Variants in CTNNA3 observed in about 807,000 individuals in gnomAD.
CTNNA3 encodes the protein catenin alpha 3.
A neutral mutation model predicts 95.7 loss-of-function variants in CTNNA3; 76 were observed. That is an observed-to-expected ratio of 0.79 (90% CI 0.66 to 0.96). CTNNA3 has a LOEUF of 0.96. Ranked by LOEUF, CTNNA3 falls within the 40% of genes least tolerant of loss-of-function variation. The pLI is 0.00. For missense variants in CTNNA3, 1,191 were observed against 1,089.8 expected (o/e 1.09, Z -1.31); for synonymous variants, 431 against 374.4 (o/e 1.15, Z -1.74).
chr10:66,774,284 C>T (rs991197356), intron 8 of CTNNA3, among the ~76,000 whole-genome samples: 14 of 152,016 alleles, frequency 9.2e-5, no homozygotes, highest in Admixed American at 3.9e-4. Context: ...GATCATTCCA[C>T]GAAAGGGGAG....
At chr10:67,495,522 C>T (rs564707802) in intron 5 of CTNNA3, among the ~76,000 whole-genome samples, 256 of 152,188 alleles carry the variant, frequency 1.7e-3, no homozygotes, top group African/African-American at 5.7e-3. Flanking sequence ...GAGGAATGGG[C>T]GGGTAGTGGC....
intron 12 of CTNNA3, among the ~76,000 whole-genome samples, chr10:66,331,382 T>C (rs2092328901): frequency 7.3e-6 from 1 of 136,290 alleles, no homozygotes; most frequent in Non-Finnish European, 1.6e-5. Flanking sequence ...GAGACGGAGT[T>C]TTGCTCTGTC....
chr10:66,426,770 C>G (rs952312749), intron 11 of CTNNA3, among the ~76,000 whole-genome samples: 1 of 151,518 alleles, frequency 6.6e-6, no homozygotes, highest in African/African-American at 2.4e-5. Context: ...AAGATCATCC[C>G]ACTCTTCAAT....
chr10:67,006,275 A>G (rs1010332862), intron 7 of CTNNA3, among the ~76,000 whole-genome samples: 3 of 151,978 alleles, frequency 2.0e-5, no homozygotes, highest in Admixed American at 1.3e-4. Flanking sequence ...ACATCACACC[A>G]CTTAACTATT....
At chr10:67,751,638 T>C (rs12257004) in intron 1 of CTNNA3, among the ~76,000 whole-genome samples, 45,356 of 151,806 alleles carry the variant, frequency 0.3, 7,351 homozygotes, top group East Asian at 0.52. Context: ...GGAGATATCA[T>C]CAATGACCCC....
rs1354622317 is a variant in CTNNA3, at chr10:67,360,486, TA to T, written c.580-140617del. Among the ~76,000 whole-genome samples the T allele has an allele frequency of 1.0e-4, 15 of 147,458 alleles. 1 individual carries two copies. The highest frequency in any genetic ancestry group is 8.7e-4 in the Admixed American group (13 of 14,922). Reference sequence around the variant, plus strand: ...AGAGACCAATCACACATAACAGCCATAGGGGCAAAGTAAAGGGATGGAGAAG... The same window carrying T: ...AGAGACCAATCACACATAACAGCCATGGGGCAAAGTAAAGGGATGGAGAAG... On this transcript the variant is annotated intron_variant, in intron 5 of 17. Transcript: ENST00000433211.
At chr10:66,844,440 T>C (rs1843178854) in intron 7 of CTNNA3, among the ~76,000 whole-genome samples, 1 of 152,206 alleles carries the variant, frequency 6.6e-6, no homozygotes, top group African/African-American at 2.4e-5. Context: ...CTTAACCTCA[T>C]GGCATTCTAT....
chr10:66,681,343 C>T (rs1847061438), intron 9 of CTNNA3, among the ~76,000 whole-genome samples: 1 of 152,102 alleles, frequency 6.6e-6, no homozygotes, highest in South Asian at 2.1e-4. Flanking sequence ...TTTGGCAGCT[C>T]AAAATTCCAA....
At chr10:67,711,559 G>A (rs1268973749) in intron 1 of CTNNA3, among the ~76,000 whole-genome samples, 5 of 143,294 alleles carry the variant, frequency 3.5e-5, no homozygotes, top group African/African-American at 1.3e-4. Flanking sequence ...TAGGGTATCT[G>A]GCAGAAGAAA....
In CTNNA3 at chr10:66,246,565, T is replaced by C. The variant is rs575049534; in HGVS notation, c.1884+33905A>G. Among the ~76,000 whole-genome samples, 425 of 151,824 alleles carry C rather than the reference T, an allele frequency of 2.8e-3. 1 individual carries two copies. The highest frequency in any genetic ancestry group is 0.017 in the Middle Eastern group (5 of 292). ...AGCCACTGCCATTACTTTCAGAAAA[T>C]TAAAAATAGCTATTTTGAGAAAGTT... On this transcript the variant is annotated intron_variant, in intron 13 of 17. Transcript: ENST00000433211.
At chr10:66,438,741 T>A (rs1001488146) in intron 11 of CTNNA3, among the ~76,000 whole-genome samples, 2 of 152,102 alleles carry the variant, frequency 1.3e-5, no homozygotes, top group Middle Eastern at 3.2e-3. Flanking sequence ...CACTGAGGTA[T>A]GAAAAAAACT....
At chr10:66,974,772 T>C (rs190778414) in intron 7 of CTNNA3, among the ~76,000 whole-genome samples, 131 of 152,288 alleles carry the variant, frequency 8.6e-4, no homozygotes, top group African/African-American at 3.0e-3. Flanking sequence ...CTAATGACAT[T>C]GCACATCTTT....
chr10:67,033,261 G>A (rs993694338), intron 7 of CTNNA3, among the ~76,000 whole-genome samples: 2 of 152,154 alleles, frequency 1.3e-5, no homozygotes, highest in African/African-American at 4.8e-5. Flanking sequence ...AGTGTTATGT[G>A]AGGGTGCTTT....
intron 9 of CTNNA3, among the ~76,000 whole-genome samples, chr10:66,678,886 G>A (rs1846964816): frequency 6.6e-6 from 1 of 152,038 alleles, no homozygotes; most frequent in Non-Finnish European, 1.5e-5. Context: ...TGGGAGAAAG[G>A]CAAAGAATCT....
intron 2 of CTNNA3, among the ~76,000 whole-genome samples, chr10:67,626,476 A>C (rs1270767695): frequency 6.6e-6 from 1 of 152,212 alleles, no homozygotes; most frequent in Non-Finnish European, 1.5e-5. Flanking sequence ...AAAGAAAAAA[A>C]ACTGAAGTTC....
chr10:66,159,072 G>A (rs113186417), intron 13 of CTNNA3, among the ~76,000 whole-genome samples: 21,120 of 151,368 alleles, frequency 0.14, 2,365 homozygotes, highest in African/African-American at 0.31. Flanking sequence ...AGTCTTTAGG[G>A]TTTTCAAGGT....
intron 9 of CTNNA3, among the ~76,000 whole-genome samples, chr10:66,680,767 A>G (rs1345716373): frequency 1.3e-5 from 2 of 152,200 alleles, no homozygotes; most frequent in Non-Finnish European, 2.9e-5. Flanking sequence ...GAATAGAAAC[A>G]CTTCCAAACA....
chr10:66,328,933 T>TATATATATATATATATATATATATAG (rs59003281), intron 12 of CTNNA3, among the ~76,000 whole-genome samples: 1 of 115,406 alleles, frequency 8.7e-6, no homozygotes, highest in Non-Finnish European at 1.8e-5. Context: ...TATATATATA[T>TATATATATATATATATATATATATAG]ACACACACAC....
intron 11 of CTNNA3, among the ~76,000 whole-genome samples, chr10:66,384,035 C>A (rs1219920127): frequency 6.6e-6 from 1 of 152,140 alleles, no homozygotes; most frequent in Non-Finnish European, 1.5e-5. Context: ...GAAACTGCAT[C>A]AACTAACAGG....
Sources: gnomAD v4.1 joint callset for allele counts (sites outside exome capture counted in the v4.1 genomes callset) on GRCh38, gnomAD v4.1.1 for gene constraint, MANE v1.5 for transcripts, NCBI Gene and HGNC (gene_info 2026-07-23, HGNC 2026-07-21) for gene names.